Variants in CLUL1 observed in about 807,000 individuals in gnomAD.
CLUL1 encodes clusterin-like protein 1.
CLUL1 carries 43 observed loss-of-function variants against 49.4 expected under a neutral mutation model. The observed-to-expected ratio is 0.87, with a 90% confidence interval of 0.68 to 1.12. CLUL1 has a LOEUF of 1.12. Among genes scored for constraint, CLUL1 ranks in the 50% most tolerant of loss-of-function variants. The probability of loss-of-function intolerance (pLI) is 0.00; values close to 1 mark genes in which losing one functional copy is unlikely to be tolerated. For synonymous variants in CLUL1, 192 were observed against 184.9 expected, an observed-to-expected ratio of 1.04 and a Z score of -0.31; for missense variants, 486 against 544.4, an observed-to-expected ratio of 0.89 and a Z score of 1.07.
At chr18:620,099 A>G (rs919720219) in intron 4 of CLUL1, among the ~76,000 whole-genome samples, 3 of 152,176 alleles carry the variant, frequency 2.0e-5, no homozygotes, top group Non-Finnish European at 4.4e-5. Flanking sequence ...TATGAATTAG[A>G]TACATGAATT....
At chr18:631,087 G>A (rs533300025) in intron 6 of CLUL1, among the ~76,000 whole-genome samples, 20 of 152,114 alleles carry the variant, frequency 1.3e-4, no homozygotes, top group African/African-American at 4.3e-4. Context: ...ATTGTTTAAA[G>A]GGCCAAAATT....
At position 632,005 on chromosome 18, in the gene CLUL1, C is replaced by T. The variant is rs190978518; in HGVS notation, c.857-1293C>T. The stretch of plus-strand genomic sequence containing the variant: ...CATGCCATTCTATCGAACAGTGCTT[C>T]ACTGTTTTTAAACTATGGACTTTGC... On this transcript the variant is annotated intron_variant, in intron 6 of 9. Coordinates refer to ENST00000692774, the MANE Select transcript of CLUL1 (RefSeq NM_001393344.1). Among the ~76,000 whole-genome samples, 290 of 152,312 alleles carry T rather than the reference C, an allele frequency of 1.9e-3. 5 individuals are homozygous for T. In the South Asian group the frequency reaches 0.029, roughly 15 times the overall value.
chr18:647,641 T>C (rs1400050066), intron 9 of CLUL1, among the ~76,000 whole-genome samples: 1 of 152,202 alleles, frequency 6.6e-6, no homozygotes, highest in Admixed American at 6.5e-5. Flanking sequence ...TGTCTACCTC[T>C]AGACCAGGAG....
Position 649,943 on chromosome 18 carries a change from C to G in CLUL1, c.*42C>G, listed in dbSNP as rs1467676648. On this transcript the variant is annotated 3_prime_UTR_variant, in exon 10 of 10. Coordinates refer to ENST00000692774, the MANE Select transcript of CLUL1 (RefSeq NM_001393344.1). ...CTATATCCAGTAAGTAGAATTATCT[C>G]TTCATCTGGGACCTGGAAATCCTGA... 12 of 1,247,742 alleles carry G rather than the reference C, an allele frequency of 9.6e-6. No homozygotes were observed. The highest frequency in any genetic ancestry group is 1.4e-5 in the Non-Finnish European group (12 of 878,792). The allele number at this position is 1,247,742 out of a possible 1,614,324, so 77.3% of individuals were successfully genotyped here. A position where few individuals can be genotyped will look rare whatever the true frequency, so the allele number is the denominator to read the frequency against.
intron 2 of CLUL1, chr18:613,193 C>A: frequency 2.1e-6 from 1 of 475,734 alleles, no homozygotes; most frequent in Non-Finnish European, 3.7e-6. Flanking sequence ...GACTGGAGTG[C>A]ACTGCTGCAA....
At chr18:622,963 G>C (rs548479526) in intron 4 of CLUL1, among the ~76,000 whole-genome samples, 7 of 152,200 alleles carry the variant, frequency 4.6e-5, no homozygotes, top group African/African-American at 1.7e-4. Context: ...TGAGGACAAT[G>C]AGCAGAATAT....
chr18:616,134 T>C (rs945702969), intron 2 of CLUL1, among the ~76,000 whole-genome samples: 2 of 152,226 alleles, frequency 1.3e-5, no homozygotes, highest in Admixed American at 6.5e-5. Context: ...GCTGTCTAAG[T>C]TGTTTTTAAA....
At chr18:623,990 G>A (rs1298219360) in intron 4 of CLUL1, among the ~76,000 whole-genome samples, 1 of 152,132 alleles carries the variant, frequency 6.6e-6, no homozygotes, top group Non-Finnish European at 1.5e-5. Flanking sequence ...ACGATATCTC[G>A]GCATGGAGGG....
chr18:606,385 G>C lies in CLUL1; in HGVS notation c.-135-593G>C, dbSNP rs1338702370. On this transcript the variant is annotated intron_variant, in intron 1 of 9. Coordinates refer to ENST00000692774, the MANE Select transcript of CLUL1 (RefSeq NM_001393344.1). The surrounding 1 kb of genome is among the most constrained non-coding windows in gnomAD (Gnocchi z 4.1). Reference sequence around the variant, plus strand: ...CCATGTCACCAACCTTTCTCTGAGGGAACCTACTGGCCACCTCCCTCTTAG... The same window carrying C: ...CCATGTCACCAACCTTTCTCTGAGGCAACCTACTGGCCACCTCCCTCTTAG... Among the ~76,000 whole-genome samples, 1 of 152,200 alleles carries C rather than the reference G, an allele frequency of 6.6e-6. No homozygotes were observed. Among genetic ancestry groups the C allele is most frequent in the African/African-American group, 2.4e-5 (1 of 41,456 alleles).
intron 1 of CLUL1, among the ~76,000 whole-genome samples, chr18:602,505 G>C (rs535361417): frequency 6.6e-6 from 1 of 152,248 alleles, no homozygotes; most frequent in East Asian, 1.9e-4. Context: ...CTCTCACTGG[G>C]TTCCTGTATC....
chr18:622,470 T>C (rs1218926867), intron 4 of CLUL1, among the ~76,000 whole-genome samples: 2 of 152,196 alleles, frequency 1.3e-5, no homozygotes, highest in Non-Finnish European at 2.9e-5. Context: ...GCCAGGTTAA[T>C]ATAGCGCTTT....
At chr18:637,533 C>T (rs2074182137) in intron 7 of CLUL1, among the ~76,000 whole-genome samples, 1 of 152,174 alleles carries the variant, frequency 6.6e-6, no homozygotes, top group South Asian at 2.1e-4. Context: ...CTGCCATGGA[C>T]ACCTCTACCC....
At chr18:629,038 A>G (rs2073907635) in intron 6 of CLUL1, among the ~76,000 whole-genome samples, 1 of 152,176 alleles carries the variant, frequency 6.6e-6, no homozygotes, top group Non-Finnish European at 1.5e-5. Context: ...AATCGCCATG[A>G]CATTACATAA....
chr18:628,831 C>T (rs150400389), intron 6 of CLUL1, among the ~76,000 whole-genome samples: 1,890 of 151,918 alleles, frequency 0.012, 33 homozygotes, highest in African/African-American at 0.044. Flanking sequence ...AGGGGTTTCA[C>T]CATGTTGGCC....
intron 2 of CLUL1, among the ~76,000 whole-genome samples, chr18:615,691 T>C (rs73364448): frequency 0.033 from 4,967 of 152,260 alleles, 290 homozygotes; most frequent in African/African-American, 0.11. Context: ...TAGGTGTGGA[T>C]TGTAGTTGCT....
intron 7 of CLUL1, among the ~76,000 whole-genome samples, chr18:634,963 G>A (rs186238937): frequency 1.2e-4 from 18 of 152,220 alleles, no homozygotes; most frequent in Non-Finnish European, 1.3e-4. Flanking sequence ...AAAGCCCTAA[G>A]GGAAGGAAAT....
intron 7 of CLUL1, among the ~76,000 whole-genome samples, chr18:637,383 T>C (rs1306744206): frequency 6.6e-6 from 1 of 152,104 alleles, no homozygotes; most frequent in Non-Finnish European, 1.5e-5. Flanking sequence ...AGGATTGTTC[T>C]TTCTCTCTCT....
intron 4 of CLUL1, 59 bp downstream of exon 4, chr18:619,420 T>TAACAAGTGCAGTA: frequency 1.4e-6 from 2 of 1,397,022 alleles, no homozygotes; most frequent in Non-Finnish European, 1.9e-6. Flanking sequence ...AATACTGCAC[T>TAACAAGTGCAGTA]TGTTAGTGCG....
intron 4 of CLUL1, among the ~76,000 whole-genome samples, chr18:620,213 A>C (rs1232805682): frequency 2.0e-5 from 3 of 152,300 alleles, no homozygotes; most frequent in African/African-American, 7.2e-5. Context: ...AGATATTTTG[A>C]AACTTTTAGC....
Sources: gnomAD v4.1 joint callset for allele counts (sites outside exome capture counted in the v4.1 genomes callset) on GRCh38, gnomAD v4.1.1 for gene constraint, Gnocchi (gnomAD v3.1) non-coding constraint, MANE v1.5 for transcripts, NCBI Gene and HGNC (gene_info 2026-07-23, HGNC 2026-07-21) for gene names.